The following SLC13A5 variants were observed in gnomAD, a reference collection of about 807,000 sequenced individuals.
SLC13A5 encodes Na(+)/citrate cotransporter.
Under a neutral mutation model 56.5 loss-of-function variants are expected in SLC13A5, and 25 were observed. The observed-to-expected ratio is 0.44, with a 90% confidence interval of 0.32 to 0.62. The LOEUF is 0.62. Among genes scored for constraint, SLC13A5 ranks in the 20% least tolerant of loss-of-function variants. The probability of loss-of-function intolerance (pLI) is 0.04; values close to 1 mark genes in which losing one functional copy is unlikely to be tolerated. For synonymous variants in SLC13A5, 307 were observed against 301.5 expected, an observed-to-expected ratio of 1.02 and a Z score of -0.19; for missense variants, 649 against 737.8, an observed-to-expected ratio of 0.88 and a Z score of 1.39.
At position 6,687,502 on chromosome 17, in the gene SLC13A5, G is replaced by A. The variant is rs371525052; in HGVS notation, c.1575+27C>T. The A allele has an allele frequency of 1.4e-5, 23 of 1,612,766 alleles. No individual in the cohort carries two copies. The highest frequency in any genetic ancestry group is 3.3e-5 in the South Asian group (3 of 90,728). ...TATGACAACAGCGTTATAGTCCGAC[G>A]GGAGTAAATAAAAACAGCTGTGTTA... On this transcript the variant is annotated intron_variant, in intron 11 of 11. Coordinates refer to ENST00000433363, the MANE Select transcript of SLC13A5 (RefSeq NM_177550.5). This position sits in a 1 kb window ranked among gnomAD's most constrained non-coding sequence, Gnocchi z 5.0.
chr17:6,702,674 G>C (rs1973744866), intron 5 of SLC13A5, among the ~76,000 whole-genome samples: 1 of 152,238 alleles, frequency 6.6e-6, no homozygotes, highest in African/African-American at 2.4e-5. Flanking sequence ...CTCTGAGCCA[G>C]AGTCCCTGAC....
rs2150959545 is a variant in SLC13A5 at position 6,685,069 on chromosome 17, G to A, written c.*1138C>T. On this transcript the variant is annotated 3_prime_UTR_variant, in exon 12 of 12. Coordinates refer to ENST00000433363, the MANE Select transcript of SLC13A5 (RefSeq NM_177550.5). This position sits in a 1 kb window ranked among gnomAD's most constrained non-coding sequence, Gnocchi z 4.2. The stretch of plus-strand genomic sequence containing the variant: ...CTTCAAGTAGATTGGCCCACGGGCA[G>A]GGGTTGTTTGCTGAGAGATCACCAA... 6.6e-6 allele frequency: 1 copy of A among 152,336 alleles called. No homozygotes were observed. 9.4% of individuals were successfully genotyped at this position (152,336 alleles called of 1,614,324 possible). A position where few individuals can be genotyped will look rare whatever the true frequency, so the allele number is the denominator to read the frequency against.
intron 1 of SLC13A5, among the ~76,000 whole-genome samples, chr17:6,712,782 G>T (rs997141659): frequency 6.6e-6 from 1 of 152,236 alleles, no homozygotes; most frequent in Admixed American, 6.5e-5. Context: ...GCCACCTACA[G>T]CTTGAAGTCT....
intron 11 of SLC13A5, chr17:6,686,820 T>C: frequency 6.3e-6 from 1 of 159,250 alleles, no homozygotes; most frequent in East Asian, 1.8e-4. Context: ...GGGATTGGAG[T>C]CAAGTTTGCA....
At chr17:6,686,461 G>T in intron 11 of SLC13A5, 123 bp from the exon 12 acceptor site, 3 of 1,291,808 alleles carry the variant, frequency 2.3e-6, no homozygotes, top group Non-Finnish European at 3.2e-6. Flanking sequence ...CCTGGCTGGG[G>T]TGTCCCGACC....
chr17:6,696,014 T>C, intron 6 of SLC13A5, 73 bp from the exon 7 acceptor site: 2 of 1,387,732 alleles, frequency 1.4e-6, no homozygotes, highest in Non-Finnish European at 2.0e-6. Context: ...GGAGCCTAAA[T>C]GTTCTACAGC....
Position 6,706,686 on chromosome 17 carries a change from C to T in SLC13A5, c.324G>A (p.Arg108=). The T allele has an allele frequency of 6.2e-7, 1 of 1,613,950 alleles. No individual in the cohort carries two copies. Among genetic ancestry groups the T allele is most frequent in the East Asian group, 2.2e-5 (1 of 44,872 alleles). Residue 108 remains arginine, a synonymous_variant, in exon 3 of 12, where the codon AGG becomes AGA. Coordinates refer to ENST00000433363, the MANE Select transcript of SLC13A5 (RefSeq NM_177550.5). Reference sequence around the variant, plus strand: ...CCCAGAGGAGCGTGCGCAGGGCGATCCTCTTGTGCAGGTTCCAGCGCTCCA... The same window carrying T: ...CCCAGAGGAGCGTGCGCAGGGCGATTCTCTTGTGCAGGTTCCAGCGCTCCA... ...VAVERWNLHK[R]IALRTLLWVG... is the part of the protein sequence containing the mutation.
rs994021499 is a variant in SLC13A5 at position 6,706,960 on chromosome 17, C to T, written c.231+68G>A. On this transcript the variant is annotated intron_variant, in intron 2 of 11. Transcript: ENST00000433363. ...GTCACCCCCAGGCCTGTGCGACTCA[C>T]AGTGGGGACTAGAGAAAGAGAGAAG... The T allele has an allele frequency of 2.5e-6, 4 of 1,601,410 alleles. No homozygotes were observed. The African/African-American group carries it at 5.4e-5, about 21-fold the overall frequency.
rs775694496 is a variant in SLC13A5 at position 6,693,091 on chromosome 17, T to C, written c.1228A>G (p.Ile410Val). 1.2e-6 allele frequency: 2 copies of C among 1,613,910 alleles called. No homozygotes were observed. The highest frequency in any genetic ancestry group is 1.1e-5 in the South Asian group (1 of 91,066). Residue 410 changes from isoleucine (I) to valine (V), a missense_variant, in exon 9 of 12, where the codon ATC becomes GTC. By Grantham distance (29) the Ile-to-Val change is conservative. Transcript: ENST00000433363. ...AATCCGCCCCCTAGTAGCAGCACGA[T>C]GCCCCAGGGCACTTTCTCCTGGGTT... The part of the protein sequence containing the change: ...KVTQEKVPWG[I>V]VLLLGGGFAL...
At chr17:6,697,467 C>G (rs546877878) in intron 6 of SLC13A5, among the ~76,000 whole-genome samples, 92 of 152,326 alleles carry the variant, frequency 6.0e-4, no homozygotes, top group Middle Eastern at 3.4e-3. Context: ...GCTCTCATCT[C>G]TGGGTTAATT....
At position 6,701,127 on chromosome 17, in the gene SLC13A5, C is replaced by G. The variant is rs1208235857; in HGVS notation, c.717-1G>C. 1 of 1,613,790 alleles carries G rather than the reference C, an allele frequency of 6.2e-7. No homozygotes were observed. Among genetic ancestry groups the G allele is most frequent in the Non-Finnish European group, 8.5e-7 (1 of 1,179,890 alleles). On this transcript the variant is annotated splice_acceptor_variant, in intron 5 of 11. Transcript: ENST00000433363. LOFTEE classifies it high-confidence loss of function. The surrounding 1 kb of genome is among the most constrained non-coding windows in gnomAD (Gnocchi z 4.1). ...GAGGTCCTTGCTGTCAGGAAACAAC[C>G]TACAAGAAGACACCGGCCCCCACCT... is the stretch of plus-strand genomic sequence containing the variant.
intron 1 of SLC13A5, among the ~76,000 whole-genome samples, chr17:6,710,155 C>T (rs56948381): frequency 0.19 from 28,320 of 152,220 alleles, 2,963 homozygotes; most frequent in East Asian, 0.34. Flanking sequence ...CACTAACTTC[C>T]TTGGGGCTTG....
chr17:6,703,036 C>T lies in SLC13A5; in HGVS notation c.650G>A (p.Ser217Asn), dbSNP rs1200030293. 32 of 1,614,118 alleles carry T rather than the reference C, an allele frequency of 2.0e-5. No individual in the cohort carries two copies. Among genetic ancestry groups the T allele is most frequent in the Non-Finnish European group, 2.7e-5 (32 of 1,180,052 alleles). Residue 217 changes from serine (S) to asparagine (N), a missense_variant, in exon 5 of 12, where the codon AGC (serine) becomes AAC (asparagine). By Grantham distance (46) the Ser-to-Asn change is conservative (BLOSUM62 1). Coordinates refer to ENST00000433363, the MANE Select transcript of SLC13A5 (RefSeq NM_177550.5). ...GGTCAGGGTGGCGGTGCCCCCGATGCTGGCCGCGTAGCAGATGCACAGGGT... is the reference window on the plus strand; with the variant it reads ...GGTCAGGGTGGCGGTGCCCCCGATGTTGGCCGCGTAGCAGATGCACAGGGT... Reference protein sequence around the residue: ...AMTLCICYAASIGGTATLTGT... With the variant: ...AMTLCICYAANIGGTATLTGT...
intron 9 of SLC13A5, among the ~76,000 whole-genome samples, chr17:6,691,664 G>C (rs1377099988): frequency 2.6e-5 from 4 of 152,192 alleles, no homozygotes; most frequent in Non-Finnish European, 5.9e-5. Context: ...GCCAAAGGAG[G>C]AGAGAATGTC....
chr17:6,705,633 T>G (rs1041039474), intron 3 of SLC13A5: 4 of 152,194 alleles, frequency 2.6e-5, no homozygotes, highest in African/African-American at 9.6e-5. Flanking sequence ...CAGGGGAATC[T>G]GAGGCACCAA....
In SLC13A5 at chr17:6,685,110, A is replaced by G. The variant is rs1973204434; in HGVS notation, c.*1097T>C. 1 of 152,224 alleles carries G rather than the reference A, an allele frequency of 6.6e-6. No individual in the cohort carries two copies. The highest frequency in any genetic ancestry group is 2.1e-4 in the South Asian group (1 of 4,832). The allele number at this position is 152,224 out of a possible 1,614,324, so 9.4% of individuals were successfully genotyped here. On this transcript the variant is annotated 3_prime_UTR_variant, in exon 12 of 12. Transcript: ENST00000433363. This position sits in a 1 kb window ranked among gnomAD's most constrained non-coding sequence, Gnocchi z 4.2. ...AGATCACCAAGCGCTGCTCAATCTC[A>G]ACGATCCTCTGTTGTCACCAGCCAT... is the stretch of plus-strand genomic sequence containing the variant.
At chr17:6,703,223 G>A in intron 4 of SLC13A5, 85 bp from the exon 5 acceptor site, 1 of 1,530,126 alleles carries the variant, frequency 6.5e-7, no homozygotes, top group Non-Finnish European at 8.9e-7. Context: ...GCTGACCTGA[G>A]GATTGGGAAA....
rs952132190 is a variant in SLC13A5, at chr17:6,707,216, C to T, written c.103-60G>A. The T allele has an allele frequency of 3.8e-6, 6 of 1,599,176 alleles. No homozygotes were observed. The African/African-American group carries it at 6.7e-5, about 18-fold the overall frequency. ...CGCCTCCCTCTCCCCACCCCCAGAACACTCCGGACGGCGGCTGGCATGGAT... is the reference window on the plus strand; with the variant it reads ...CGCCTCCCTCTCCCCACCCCCAGAATACTCCGGACGGCGGCTGGCATGGAT... On this transcript the variant is annotated intron_variant, in intron 1 of 11. Transcript: ENST00000433363.
At chr17:6,697,683 G>C (rs1973597904) in intron 6 of SLC13A5, among the ~76,000 whole-genome samples, 1 of 152,184 alleles carries the variant, frequency 6.6e-6, no homozygotes, top group Admixed American at 6.5e-5. Context: ...GCATGCCTCT[G>C]CCCTGGCAGG....
Sources: allele counts gnomAD v4.1 joint callset (sites outside exome capture counted in the v4.1 genomes callset), GRCh38; gene constraint gnomAD v4.1.1; non-coding constraint Gnocchi (gnomAD v3.1); transcripts MANE v1.5; gene names NCBI Gene and HGNC (gene_info 2026-07-23, HGNC 2026-07-21).